Variants in BTC observed in about 807,000 individuals in gnomAD.
The protein encoded by BTC is probetacellulin.
BTC carries 13 observed loss-of-function variants against 18.1 expected under a neutral mutation model. That is an observed-to-expected ratio of 0.72 (90% CI 0.47 to 1.14). The LOEUF is 1.14. BTC is among the 50% of genes most tolerant of loss of function. The pLI is 0.00. For missense variants in BTC, 247 were observed against 224.2 expected (o/e 1.10, Z -0.65); for synonymous variants, 83 against 79.4 (o/e 1.05, Z -0.24).
intron 2 of BTC, among the ~76,000 whole-genome samples, chr4:74,760,509 A>G (rs1380310064): frequency 1.3e-4 from 20 of 152,214 alleles, no homozygotes; most frequent in Admixed American, 1.2e-3. Flanking sequence ...CTTGCCAGCT[A>G]TCTCTGGTCA....
chr4:74,768,877 T>A (rs181377399), intron 2 of BTC, among the ~76,000 whole-genome samples: 21 of 152,296 alleles, frequency 1.4e-4, no homozygotes, highest in Admixed American at 7.2e-4. Flanking sequence ...TGAAGACATT[T>A]GAAACCAGAC....
chr4:74,765,997 G>A (rs1211472090), intron 2 of BTC, among the ~76,000 whole-genome samples: 3 of 152,052 alleles, frequency 2.0e-5, no homozygotes, highest in African/African-American at 4.8e-5. Context: ...AACCTATACA[G>A]CATGTTACTG....
intron 3 of BTC, among the ~76,000 whole-genome samples, chr4:74,751,466 C>T (rs1724458691): frequency 6.6e-6 from 1 of 152,168 alleles, no homozygotes; most frequent in African/African-American, 2.4e-5. Context: ...CCGTTCCCTT[C>T]ACTCTCCTCT....
At chr4:74,757,394 T>A (rs1724628838) in intron 2 of BTC, among the ~76,000 whole-genome samples, 10 of 152,182 alleles carry the variant, frequency 6.6e-5, no homozygotes, top group Admixed American at 6.5e-4. Context: ...GGTGACTTGA[T>A]AACCACCTAT....
At chr4:74,763,434 A>G (rs782543958) in intron 2 of BTC, among the ~76,000 whole-genome samples, 1 of 152,054 alleles carries the variant, frequency 6.6e-6, no homozygotes, top group Non-Finnish European at 1.5e-5. Flanking sequence ...ACTACAGTAT[A>G]TGGTCTCTAT....
chr4:74,776,851 A>T (rs1411691914), intron 1 of BTC, among the ~76,000 whole-genome samples: 1 of 152,150 alleles, frequency 6.6e-6, no homozygotes, highest in Non-Finnish European at 1.5e-5. Context: ...ATTCATTTAT[A>T]TTCTGATGAT....
chr4:74,765,468 T>C (rs1560715490), intron 2 of BTC, among the ~76,000 whole-genome samples: 1 of 151,866 alleles, frequency 6.6e-6, no homozygotes, highest in Non-Finnish European at 1.5e-5. Context: ...TTTTAGCAAG[T>C]GAAAAAGCTT....
intron 2 of BTC, among the ~76,000 whole-genome samples, chr4:74,768,970 C>A (rs1350248316): frequency 1.3e-5 from 2 of 152,080 alleles, no homozygotes; most frequent in African/African-American, 4.8e-5. Flanking sequence ...ACCTAAGACA[C>A]CATTAGATTT....
At chr4:74,748,958 A>G (rs1290453884) in intron 4 of BTC, among the ~76,000 whole-genome samples, 1 of 152,190 alleles carries the variant, frequency 6.6e-6, no homozygotes, top group South Asian at 2.1e-4. Context: ...ACCTGGCATA[A>G]TATTTCTTCC....
intron 1 of BTC, among the ~76,000 whole-genome samples, chr4:74,775,827 T>G (rs1339272554): frequency 1.3e-5 from 2 of 152,232 alleles, no homozygotes; most frequent in African/African-American, 2.4e-5. Context: ...AAGCCAGCTA[T>G]CAAGTCTTCC....
At chr4:74,759,988 C>G (rs748696291) in intron 2 of BTC, among the ~76,000 whole-genome samples, 21 of 152,172 alleles carry the variant, frequency 1.4e-4, no homozygotes, top group Non-Finnish European at 8.8e-5. Flanking sequence ...AATTGTGATG[C>G]CTTTGTGACT....
chr4:74,779,951 A>G (rs1725274890), intron 1 of BTC, among the ~76,000 whole-genome samples: 2 of 152,164 alleles, frequency 1.3e-5, no homozygotes, highest in Non-Finnish European at 2.9e-5. Flanking sequence ...GGAATTCCAA[A>G]AAGTGGCAAT....
chr4:74,785,160 G>T (rs1725446730), intron 1 of BTC, among the ~76,000 whole-genome samples: 1 of 152,094 alleles, frequency 6.6e-6, no homozygotes, highest in African/African-American at 2.4e-5. Context: ...TTGAGAAGGT[G>T]TATGTGTCCA....
At chr4:74,774,960 A>G (rs1725139520) in intron 1 of BTC, among the ~76,000 whole-genome samples, 1 of 152,186 alleles carries the variant, frequency 6.6e-6, no homozygotes, top group African/African-American at 2.4e-5. Flanking sequence ...CAGATCAAAT[A>G]TGAAAGACCT....
In BTC at chr4:74,791,235, G is replaced by A. The variant is rs534738533; in HGVS notation, c.64+3027C>T. Among the ~76,000 whole-genome samples the A allele has an allele frequency of 5.8e-4, 88 of 152,242 alleles. 1 individual carries two copies. Among genetic ancestry groups the A allele is most frequent in the East Asian group, 5.4e-3 (28 of 5,168 alleles). ...CGAGTGCCTGTTGTCCCAGCTACTC[G>A]AGAGGCTGAGACAGGAGAGTCACTT... is the stretch of plus-strand genomic sequence containing the variant. On this transcript the variant is annotated intron_variant, in intron 1 of 5. Transcript: ENST00000395743.
intron 1 of BTC, among the ~76,000 whole-genome samples, chr4:74,773,242 G>A (rs1352934850): frequency 2.6e-5 from 4 of 152,128 alleles, no homozygotes; most frequent in East Asian, 1.9e-4. Flanking sequence ...GGAAGGTCTC[G>A]CAAGACAGAT....
intron 3 of BTC, among the ~76,000 whole-genome samples, chr4:74,751,115 G>A (rs2109879118): frequency 6.6e-6 from 1 of 152,250 alleles, no homozygotes; most frequent in South Asian, 2.1e-4. Flanking sequence ...AAATAGTTTT[G>A]ATGTTCTCAT....
rs182628019 is a variant in BTC, at chr4:74,748,522, T to C, written c.429-373A>G. ...CTGCACTCCAGCCTGGGCGACAGAGTGAGACTCCGTCACAAAAAAAAAAAA... is the reference window on the plus strand; with the variant it reads ...CTGCACTCCAGCCTGGGCGACAGAGCGAGACTCCGTCACAAAAAAAAAAAA... On this transcript the variant is annotated intron_variant, in intron 4 of 5. Transcript: ENST00000395743. Among the ~76,000 whole-genome samples, 6 of 150,910 alleles carry C rather than the reference T, an allele frequency of 4.0e-5. 1 individual carries two copies. Among genetic ancestry groups the C allele is most frequent in the Non-Finnish European group, 5.9e-5 (4 of 67,732 alleles).
chr4:74,784,470 G>A (rs1409178898), intron 1 of BTC, among the ~76,000 whole-genome samples: 1 of 152,086 alleles, frequency 6.6e-6, no homozygotes, highest in East Asian at 1.9e-4. Context: ...TGTTGAGTAG[G>A]AGTGGTGAGA....
Sources: gnomAD v4.1 joint callset for allele counts (sites outside exome capture counted in the v4.1 genomes callset) on GRCh38, gnomAD v4.1.1 for gene constraint, MANE v1.5 for transcripts, NCBI Gene and HGNC (gene_info 2026-07-23, HGNC 2026-07-21) for gene names.